Variants in CFAP20DC observed in about 807,000 individuals in gnomAD.
CFAP20DC encodes CFAP20 domain containing.
Under a neutral mutation model 101.7 loss-of-function variants are expected in CFAP20DC, and 84 were observed. The observed-to-expected ratio is 0.83, with a 90% CI of 0.69 to 0.99. The LOEUF (loss-of-function observed/expected upper bound fraction) is 0.99, where lower values mean the gene tolerates loss of function less well. Among genes scored for constraint, CFAP20DC ranks in the 50% least tolerant of loss-of-function variants. The pLI is 0.00. For synonymous variants in CFAP20DC, 359 were observed against 351.2 expected (o/e 1.02, Z -0.25); for missense variants, 1,007 against 970.3 (o/e 1.04, Z -0.50).
intron 13 of CFAP20DC, among the ~76,000 whole-genome samples, chr3:58,843,191 G>A (rs561153467): frequency 2.6e-5 from 4 of 152,178 alleles, no homozygotes; most frequent in Non-Finnish European, 5.9e-5. Flanking sequence ...GAGAGAAGAA[G>A]GCTTCAGATG....
chr3:58,906,928 A>T (rs2083649414), intron 6 of CFAP20DC, among the ~76,000 whole-genome samples: 1 of 152,138 alleles, frequency 6.6e-6, no homozygotes, highest in Admixed American at 6.5e-5. Context: ...GATCCTCTCA[A>T]AAACAAAAGC....
At chr3:58,935,161 C>T (rs867748893) in intron 5 of CFAP20DC, among the ~76,000 whole-genome samples, 1 of 152,166 alleles carries the variant, frequency 6.6e-6, no homozygotes, top group Non-Finnish European at 1.5e-5. Flanking sequence ...CATGAGTGAA[C>T]TCCCATTCAC....
chr3:58,934,915 C>A (rs1485235962), intron 5 of CFAP20DC, among the ~76,000 whole-genome samples: 4 of 152,154 alleles, frequency 2.6e-5, no homozygotes. Flanking sequence ...GTTGGAAGTT[C>A]TGGCCAGGGC....
In CFAP20DC at chr3:58,849,042, G is replaced by T. The variant is rs1054190163; in HGVS notation, c.1961C>A (p.Pro654His). Residue 654 changes from proline (P) to histidine (H), a missense_variant, in exon 13 of 17, where the codon CCC (proline) becomes CAC (histidine). By Grantham distance (77) the Pro-to-His change is moderately conservative. Coordinates refer to ENST00000482387, the MANE Select transcript of CFAP20DC (RefSeq NM_001394063.1). ...EISGERLSSI[P>H]EASEYDWRNY... The stretch of plus-strand genomic sequence containing the variant: ...ACGGGAACCACTTACAGATGCTTCG[G>T]GGATCGAGCTCAGCCTTTCCCCTGA... 10 of 1,535,312 alleles carry T rather than the reference G, an allele frequency of 6.5e-6. No homozygotes were observed. The highest frequency in any genetic ancestry group is 8.7e-6 in the Non-Finnish European group (10 of 1,146,672).
intron 14 of CFAP20DC, chr3:58,824,675 C>A (rs766019822): frequency 6.6e-6 from 1 of 152,166 alleles, no homozygotes; most frequent in Admixed American, 6.5e-5. Context: ...GAGAACCTCA[C>A]CATATGCCTG....
At chr3:58,934,505 T>C (rs1454541359) in intron 5 of CFAP20DC, among the ~76,000 whole-genome samples, 1 of 152,174 alleles carries the variant, frequency 6.6e-6, no homozygotes, top group Non-Finnish European at 1.5e-5. Context: ...TTGATGAACA[T>C]TGATGCAAAA....
At chr3:59,012,245 A>C (rs1401544369) in intron 4 of CFAP20DC, among the ~76,000 whole-genome samples, 2 of 152,254 alleles carry the variant, frequency 1.3e-5, no homozygotes, top group African/African-American at 4.8e-5. Flanking sequence ...GTGGGATTTC[A>C]CAGATGGAGA....
Position 58,725,850 on chromosome 3 carries a change from T to A in CFAP20DC, c.198-8222A>T, listed in dbSNP as rs1575514109. 2.0e-5 allele frequency: 4 copies of A among 200,882 alleles called. No homozygotes were observed. The East Asian group carries it at 3.8e-4, about 19-fold the overall frequency. The allele number at this position is 200,882 out of a possible 1,614,324, so 12.4% of individuals were successfully genotyped here. On this transcript the variant is annotated intron_variant, in intron 3 of 3. Transcript: ENST00000486145. Reference sequence around the variant, plus strand: ...TCCAACTCAGGCATCTCTGGATCCATCTGGTTTTTATTTTTTTGGGGCTGA... The same window carrying A: ...TCCAACTCAGGCATCTCTGGATCCAACTGGTTTTTATTTTTTTGGGGCTGA...
chr3:58,850,645 A>G (rs1314172011), intron 12 of CFAP20DC, among the ~76,000 whole-genome samples: 6 of 151,980 alleles, frequency 3.9e-5, no homozygotes, highest in Non-Finnish European at 2.9e-5. Flanking sequence ...ACCAAACAAA[A>G]TATATAATAA....
At chr3:58,848,058 C>A in intron 13 of CFAP20DC, among the ~76,000 whole-genome samples, 1 of 137,538 alleles carries the variant, frequency 7.3e-6, no homozygotes, top group African/African-American at 2.8e-5. Context: ...GGGAGATATA[C>A]CTAATGCTAG....
intron 14 of CFAP20DC, among the ~76,000 whole-genome samples, chr3:58,815,376 T>G (rs2075032574): frequency 6.8e-5 from 10 of 147,376 alleles, no homozygotes; most frequent in Admixed American, 6.1e-4. Context: ...ATTAAAGACT[T>G]AAACGTTAGA....
At chr3:58,904,143 T>A (rs2083393369) in intron 6 of CFAP20DC, among the ~76,000 whole-genome samples, 1 of 152,194 alleles carries the variant, frequency 6.6e-6, no homozygotes, top group Non-Finnish European at 1.5e-5. Context: ...TTAGGTCTTC[T>A]TTAATTTCTT....
intron 13 of CFAP20DC, among the ~76,000 whole-genome samples, chr3:58,848,100 T>C (rs1365428595): frequency 6.2e-5 from 9 of 145,172 alleles, no homozygotes; most frequent in Admixed American, 3.5e-4. Flanking sequence ...TGCACCAGCA[T>C]GGCACATGTA....
chr3:58,776,269 T>C (rs971964524), intron 15 of CFAP20DC, among the ~76,000 whole-genome samples: 1 of 152,170 alleles, frequency 6.6e-6, no homozygotes. Context: ...ACTGAGATTG[T>C]TGAGCTAAAG....
chr3:58,920,428 G>C (rs1215344312), intron 5 of CFAP20DC, among the ~76,000 whole-genome samples: 1 of 151,958 alleles, frequency 6.6e-6, no homozygotes, highest in Non-Finnish European at 1.5e-5. Flanking sequence ...CCCATCTTAG[G>C]GAGTAAGCAG....
At chr3:58,881,927 C>T (rs1010038439) in intron 7 of CFAP20DC, among the ~76,000 whole-genome samples, 1 of 152,086 alleles carries the variant, frequency 6.6e-6, no homozygotes, top group African/African-American at 2.4e-5. Context: ...ATAATTATTA[C>T]AATATTCACT....
chr3:58,829,222 G>A (rs944202787), intron 14 of CFAP20DC, among the ~76,000 whole-genome samples: 2 of 151,338 alleles, frequency 1.3e-5, no homozygotes, highest in Non-Finnish European at 2.9e-5. Context: ...AATCCCTGAT[G>A]GGTGCCTGTA....
chr3:58,725,847 C>A, intron 3 of CFAP20DC: 2 of 204,000 alleles, frequency 9.8e-6, no homozygotes, highest in South Asian at 1.0e-4. Context: ...ATCTCTGGAT[C>A]CATCTGGTTT....
At chr3:58,763,268 G>C (rs1030887354) in intron 15 of CFAP20DC, among the ~76,000 whole-genome samples, 2 of 151,250 alleles carry the variant, frequency 1.3e-5, no homozygotes, top group African/African-American at 4.9e-5. Context: ...AACTTTTCTT[G>C]TCGCTTCATT....
Sources: allele counts gnomAD v4.1 joint callset (sites outside exome capture counted in the v4.1 genomes callset), GRCh38; gene constraint gnomAD v4.1.1; transcripts MANE v1.5; gene names NCBI Gene and HGNC (gene_info 2026-07-23, HGNC 2026-07-21).